The following MLLT10 variants were observed in gnomAD, a reference collection of about 807,000 sequenced individuals.
The protein encoded by MLLT10 is MLLT10 histone lysine methyltransferase DOT1L cofactor, also known as protein AF-10.
MLLT10 carries 30 observed loss-of-function variants against 129.1 expected under a neutral mutation model. That is an observed-to-expected ratio of 0.23 (90% CI 0.17 to 0.32). The LOEUF (loss-of-function observed/expected upper bound fraction) is 0.32, where lower values mean the gene tolerates loss of function less well. MLLT10 is among the 10% of genes least tolerant of loss of function. The pLI, the probability that MLLT10 is intolerant of heterozygous loss-of-function variation, is 1.00. For missense variants in MLLT10, 1,119 were observed against 1,268.3 expected, an observed-to-expected ratio of 0.88 and a Z score of 1.79; for synonymous variants, 490 against 446.4, an observed-to-expected ratio of 1.10 and a Z score of -1.23.
chr10:21,717,377 G>A (rs1469427843), intron 14 of MLLT10, among the ~76,000 whole-genome samples: 1 of 118,850 alleles, frequency 8.4e-6, no homozygotes, highest in African/African-American at 3.2e-5. Context: ...GGGAAAAGGA[G>A]ATACTTGTAA....
intron 3 of MLLT10, among the ~76,000 whole-genome samples, chr10:21,546,734 AT>A (rs764538108): frequency 0.031 from 4,311 of 140,824 alleles, 187 homozygotes; most frequent in African/African-American, 0.099. Context: ...TGCCTGGCTA[AT>A]TTTTTTTTTT....
At chr10:21,539,257 A>G (rs17822330) in intron 3 of MLLT10, among the ~76,000 whole-genome samples, 3,074 of 152,296 alleles carry the variant, frequency 0.02, 60 homozygotes, top group Admixed American at 0.058. Flanking sequence ...AGGAAGTTAC[A>G]TTGATAATTC....
At chr10:21,554,455 A>ATT (rs1169101928) in intron 3 of MLLT10, among the ~76,000 whole-genome samples, 12 of 139,756 alleles carry the variant, frequency 8.6e-5, no homozygotes, top group East Asian at 2.1e-4. Context: ...CTTCACTTAA[A>ATT]TTTTTTTTTT....
At chr10:21,580,545 C>A (rs368806656) in intron 3 of MLLT10, among the ~76,000 whole-genome samples, 2 of 151,984 alleles carry the variant, frequency 1.3e-5, no homozygotes, top group African/African-American at 4.8e-5. Flanking sequence ...CCCGCCACCA[C>A]GCCTGGCTAA....
chr10:21,549,986 C>T (rs371994330), intron 3 of MLLT10, among the ~76,000 whole-genome samples: 16 of 152,154 alleles, frequency 1.1e-4, no homozygotes, highest in Admixed American at 8.5e-4. Context: ...CACTCAACAA[C>T]TTAGGCTTAA....
intron 8 of MLLT10, among the ~76,000 whole-genome samples, chr10:21,620,357 A>G (rs553120959): frequency 5.9e-5 from 9 of 152,328 alleles, no homozygotes; most frequent in African/African-American, 2.2e-4. Flanking sequence ...ACAGTTCCCA[A>G]TTTGAAATGG....
At position 21,697,099 on chromosome 10, in the gene MLLT10, CAAAA is replaced by C. The variant is rs1163740638; in HGVS notation, c.1699+14862_1699+14865del. On this transcript the variant is annotated intron_variant, in intron 13 of 22. Coordinates refer to ENST00000307729, the MANE Select transcript of MLLT10 (RefSeq NM_001195626.3). ...AGAAGTGAATTCTGTCTGATTTAAGCAAAAAAAAAAAAAAAAAAAAAAAGAGGGA... is the reference window on the plus strand; with the variant it reads ...AGAAGTGAATTCTGTCTGATTTAAGCAAAAAAAAAAAAAAAAAAAGAGGGA... Among the ~76,000 whole-genome samples, 7 of 82,654 alleles carry C rather than the reference CAAAA, an allele frequency of 8.5e-5. No individual in the cohort carries two copies. The South Asian group carries it at 1.7e-3, about 20-fold the overall frequency. 54.2% of individuals were successfully genotyped at this position (82,654 alleles called of 152,430 possible). A position where few individuals can be genotyped will look rare whatever the true frequency, so the allele number is the denominator to read the frequency against.
intron 3 of MLLT10, among the ~76,000 whole-genome samples, chr10:21,573,813 C>T (rs927652203): frequency 2.0e-5 from 3 of 151,966 alleles, no homozygotes; most frequent in African/African-American, 7.3e-5. Flanking sequence ...CCTTGGCCTC[C>T]GAAAGTGCTG....
chr10:21,656,027 CAG>C (rs2049551961), intron 9 of MLLT10, among the ~76,000 whole-genome samples: 1 of 151,900 alleles, frequency 6.6e-6, no homozygotes, highest in African/African-American at 2.4e-5. Flanking sequence ...GACATAAAAA[CAG>C]GGAGAAAGTC....
chr10:21,736,264 A>G (rs1170606406), intron 21 of MLLT10, among the ~76,000 whole-genome samples: 2 of 152,176 alleles, frequency 1.3e-5, no homozygotes, highest in African/African-American at 4.8e-5. Flanking sequence ...CTACGTATTG[A>G]AAACTGCCTG....
intron 10 of MLLT10, 49 bp from the exon 11 acceptor site, chr10:21,673,301 T>TTGC: frequency 8.4e-6 from 2 of 237,942 alleles, no homozygotes; most frequent in African/African-American, 1.0e-4. Flanking sequence ...AATTTTTCTG[T>TTGC]CCCCCCCACC....
intron 8 of MLLT10, among the ~76,000 whole-genome samples, chr10:21,637,484 T>C (rs567235536): frequency 6.6e-6 from 1 of 152,282 alleles, no homozygotes; most frequent in East Asian, 1.9e-4. Context: ...TCCAGAAACT[T>C]GTTGAGCAGG....
At chr10:21,589,920 C>T (rs1417754511) in intron 4 of MLLT10, among the ~76,000 whole-genome samples, 2 of 143,338 alleles carry the variant, frequency 1.4e-5, no homozygotes, top group East Asian at 3.9e-4. Context: ...CCTTCCCCTT[C>T]CCCTTTGTCT....
chr10:21,674,236 A>G (rs544285222), intron 11 of MLLT10, among the ~76,000 whole-genome samples: 8 of 151,792 alleles, frequency 5.3e-5, no homozygotes, highest in Non-Finnish European at 8.8e-5. Context: ...TCACCTGCAC[A>G]GTATTTTTTT....
chr10:21,742,931 A>G lies in MLLT10; in HGVS notation c.*948A>G, dbSNP rs990023905. 1 of 228,650 alleles carries G rather than the reference A, an allele frequency of 4.4e-6. No individual in the cohort carries two copies. The highest frequency in any genetic ancestry group is 2.2e-5 in the African/African-American group (1 of 45,072). The allele number at this position is 228,650 out of a possible 1,614,324, so 14.2% of individuals were successfully genotyped here. ...CACTGTAGATAGCTCAGGCAAAACT[A>G]TTACCTGGGTATTTATCCACTAATG... On this transcript the variant is annotated 3_prime_UTR_variant, in exon 23 of 23. Transcript: ENST00000307729.
intron 16 of MLLT10, among the ~76,000 whole-genome samples, chr10:21,728,381 G>C (rs571641292): frequency 6.6e-6 from 1 of 152,266 alleles, no homozygotes; most frequent in African/African-American, 2.4e-5. Flanking sequence ...GTTTGAATCA[G>C]TTATAGCAAA....
At chr10:21,571,087 C>G (rs1364985630) in intron 3 of MLLT10, among the ~76,000 whole-genome samples, 3 of 152,158 alleles carry the variant, frequency 2.0e-5, no homozygotes, top group Non-Finnish European at 2.9e-5. Context: ...TGAAGACTTT[C>G]TTAGTACTCC....
At position 21,741,989 on chromosome 10, in the gene MLLT10, G is replaced by C; in HGVS notation, c.*6G>C. ...TAGCTCAAGAGAAAAGTTGACACCT[G>C]AGAAACATCTAGAAATTGCCTATCC... On this transcript the variant is annotated 3_prime_UTR_variant, in exon 23 of 23. Coordinates refer to ENST00000307729, the MANE Select transcript of MLLT10 (RefSeq NM_001195626.3). 6.2e-7 allele frequency: 1 copy of C among 1,612,140 alleles called. No homozygotes were observed. The highest frequency in any genetic ancestry group is 8.5e-7 in the Non-Finnish European group (1 of 1,179,610).
chr10:21,660,901 G>C (rs939059828), intron 9 of MLLT10, among the ~76,000 whole-genome samples: 5 of 142,842 alleles, frequency 3.5e-5, no homozygotes, highest in Admixed American at 1.4e-4. Context: ...AAAGATTATT[G>C]TTCTTCTATC....
Sources: gnomAD v4.1 joint callset for allele counts (sites outside exome capture counted in the v4.1 genomes callset) on GRCh38, gnomAD v4.1.1 for gene constraint, MANE v1.5 for transcripts, NCBI Gene and HGNC (gene_info 2026-07-23, HGNC 2026-07-21) for gene names.